Variants in NRXN3 observed in about 807,000 individuals in gnomAD.
NRXN3 encodes neurexin III.
In NRXN3, 32 loss-of-function variants were observed where a neutral mutation model predicts 137.6. That is an observed-to-expected ratio of 0.23 (90% confidence interval 0.18 to 0.31). The LOEUF (loss-of-function observed/expected upper bound fraction) is 0.31. NRXN3 is among the 10% of genes least tolerant of loss of function. NRXN3 has a pLI of 1.00. For missense variants in NRXN3, 1,574 were observed against 2,062.5 expected (o/e 0.76, Z 4.59); for synonymous variants, 798 against 784.5 (o/e 1.02, Z -0.29).
intron 2 of NRXN3, among the ~76,000 whole-genome samples, chr14:78,244,776 G>A (rs553415725): frequency 6.6e-6 from 1 of 152,174 alleles, no homozygotes; most frequent in Non-Finnish European, 1.5e-5. Flanking sequence ...TTGCAAAGAG[G>A]CACAGAGATT....
rs186647727 is a variant in NRXN3 at position 78,623,810 on chromosome 14, C to T, written c.758-21310C>T. On this transcript the variant is annotated intron_variant, in intron 4 of 20. Coordinates refer to ENST00000335750, the MANE Select transcript of NRXN3 (RefSeq NM_001330195.2). Reference sequence around the variant, plus strand: ...CTAAAACTCCTGACCTCAGGTGATCCGCCCACCTTGGCCTCCCAAAATGTT... The same window carrying T: ...CTAAAACTCCTGACCTCAGGTGATCTGCCCACCTTGGCCTCCCAAAATGTT... 6.5e-3 allele frequency among the ~76,000 whole-genome samples: 988 copies of T among 152,230 alleles called. 5 individuals are homozygous for T. The highest frequency in any genetic ancestry group is 0.027 in the Middle Eastern group (8 of 294).
chr14:79,634,024 T>A (rs945744056), intron 16 of NRXN3, among the ~76,000 whole-genome samples: 1 of 152,038 alleles, frequency 6.6e-6, no homozygotes, highest in Non-Finnish European at 1.5e-5. Flanking sequence ...AAAAAAAATC[T>A]TAGGCTGTCC....
intron 15 of NRXN3, among the ~76,000 whole-genome samples, chr14:79,295,052 G>A (rs1382492843): frequency 6.6e-6 from 1 of 151,926 alleles, no homozygotes; most frequent in Non-Finnish European, 1.5e-5. Flanking sequence ...TGGGCTCTTC[G>A]TGTCATTTCC....
chr14:79,696,989 A>G (rs1463684425), intron 18 of NRXN3, among the ~76,000 whole-genome samples: 2 of 151,952 alleles, frequency 1.3e-5, no homozygotes, highest in African/African-American at 2.4e-5. Flanking sequence ...TTTATCTCTC[A>G]TGATTTTGTT....
intron 4 of NRXN3, among the ~76,000 whole-genome samples, chr14:78,524,417 G>A (rs944609422): frequency 1.2e-4 from 19 of 152,360 alleles, no homozygotes; most frequent in African/African-American, 4.6e-4. Context: ...AGGTTCCAAA[G>A]GGACTATCTG....
chr14:79,764,816 C>A (rs1459782115), intron 19 of NRXN3, among the ~76,000 whole-genome samples: 1 of 152,150 alleles, frequency 6.6e-6, no homozygotes, highest in East Asian at 1.9e-4. Context: ...AACCATTCAC[C>A]TATACAGACC....
At chr14:79,720,479 C>T (rs1178367716) in intron 19 of NRXN3, among the ~76,000 whole-genome samples, 5 of 152,062 alleles carry the variant, frequency 3.3e-5, no homozygotes, top group Non-Finnish European at 5.9e-5. Context: ...TTGTGATGAA[C>T]ACTATGCACA....
chr14:78,347,523 A>T (rs867908588), intron 4 of NRXN3, among the ~76,000 whole-genome samples: 7 of 152,214 alleles, frequency 4.6e-5, no homozygotes, highest in Middle Eastern at 3.4e-3. Flanking sequence ...TTTCCCCTTC[A>T]TTCCCCTACC....
intron 4 of NRXN3, among the ~76,000 whole-genome samples, chr14:78,398,981 A>G (rs963945769): frequency 1.1e-4 from 16 of 152,308 alleles, no homozygotes; most frequent in African/African-American, 3.4e-4. Flanking sequence ...ATATGGGACC[A>G]CACTCTTTCT....
intron 14 of NRXN3, among the ~76,000 whole-genome samples, chr14:78,969,581 TA>T (rs2099430074): frequency 6.6e-6 from 1 of 152,192 alleles, no homozygotes; most frequent in South Asian, 2.1e-4. Context: ...CTTCTGTTCT[TA>T]AACAGCTTCC....
chr14:79,798,922 G>T (rs2099168711), intron 19 of NRXN3, among the ~76,000 whole-genome samples: 1 of 152,144 alleles, frequency 6.6e-6, no homozygotes, highest in African/African-American at 2.4e-5. Context: ...GATTATAGAA[G>T]CAATAACTCA....
At chr14:79,488,950 C>G (rs901754338) in intron 16 of NRXN3, among the ~76,000 whole-genome samples, 1 of 152,022 alleles carries the variant, frequency 6.6e-6, no homozygotes, top group Non-Finnish European at 1.5e-5. Flanking sequence ...CTAGAGCACC[C>G]TTAAGCAGAT....
At chr14:78,956,002 T>G (rs1183347398) in intron 10 of NRXN3, among the ~76,000 whole-genome samples, 1 of 152,208 alleles carries the variant, frequency 6.6e-6, no homozygotes. Flanking sequence ...AAGCACTCAT[T>G]AAAGCTCCTA....
chr14:79,232,248 G>A (rs1245811138), intron 15 of NRXN3, among the ~76,000 whole-genome samples: 1 of 152,042 alleles, frequency 6.6e-6, no homozygotes, highest in Non-Finnish European at 1.5e-5. Flanking sequence ...GTCTTTGTGT[G>A]TGTGCGCGCG....
intron 4 of NRXN3, among the ~76,000 whole-genome samples, chr14:78,462,206 G>GA (rs1469730207): frequency 6.6e-6 from 1 of 152,144 alleles, no homozygotes; most frequent in Non-Finnish European, 1.5e-5. Flanking sequence ...GGCTCCTTTG[G>GA]ATGCCTTGAT....
At chr14:79,446,705 T>G (rs2096069324) in intron 15 of NRXN3, among the ~76,000 whole-genome samples, 1 of 152,148 alleles carries the variant, frequency 6.6e-6, no homozygotes, top group Non-Finnish European at 1.5e-5. Flanking sequence ...ATAGTTTCTC[T>G]CCTTTAAAGT....
intron 4 of NRXN3, among the ~76,000 whole-genome samples, chr14:78,606,976 C>T (rs968395677): frequency 6.6e-6 from 1 of 152,164 alleles, no homozygotes; most frequent in African/African-American, 2.4e-5. Context: ...AGGTAGTCTT[C>T]GTTTTCCTGT....
At chr14:78,602,661 G>A (rs1345579700) in intron 4 of NRXN3, among the ~76,000 whole-genome samples, 1 of 152,100 alleles carries the variant, frequency 6.6e-6, no homozygotes, top group Non-Finnish European at 1.5e-5. Context: ...TTTTTTCCAG[G>A]GGTTGAAGCC....
At chr14:79,560,137 C>A (rs1244072652) in intron 16 of NRXN3, among the ~76,000 whole-genome samples, 3 of 152,234 alleles carry the variant, frequency 2.0e-5, no homozygotes, top group Non-Finnish European at 2.9e-5. Flanking sequence ...GCTTGACATT[C>A]TTCTATAACA....
Sources: allele counts gnomAD v4.1 joint callset (sites outside exome capture counted in the v4.1 genomes callset), GRCh38; gene constraint gnomAD v4.1.1; transcripts MANE v1.5; gene names NCBI Gene and HGNC (gene_info 2026-07-23, HGNC 2026-07-21).